Variants in GLIS3 observed in about 807,000 individuals in gnomAD.
The protein encoded by GLIS3 is GLIS family zinc finger 3.
Under a neutral mutation model 78.6 loss-of-function variants are expected in GLIS3, and 53 were observed. The observed-to-expected ratio is 0.67, with a 90% CI of 0.54 to 0.85. The LOEUF (loss-of-function observed/expected upper bound fraction) is 0.85, where lower values mean the gene tolerates loss of function less well. Ranked by LOEUF, GLIS3 falls within the 40% of genes least tolerant of loss-of-function variation. GLIS3 has a pLI of 0.00. For missense variants in GLIS3, 1,703 were observed against 1,231.1 expected (o/e 1.38, Z -5.74); for synonymous variants, 684 against 509.9 (o/e 1.34, Z -4.60).
At chr9:4,405,731 T>C in the GLIS3 span, among the ~76,000 whole-genome samples, 1 of 151,984 alleles carries the variant, frequency 6.6e-6, no homozygotes, top group African/African-American at 2.4e-5. Context: ...AAAGCCAGTA[T>C]TACCCTGATA....
intron 2 of GLIS3, among the ~76,000 whole-genome samples, chr9:4,206,485 C>T (rs1022582772): frequency 1.3e-5 from 2 of 152,266 alleles, no homozygotes; most frequent in Non-Finnish European, 2.9e-5. Flanking sequence ...AAAATAGAGG[C>T]GTAGCTTTAT....
chr9:4,028,124 C>T (rs73390414), intron 4 of GLIS3, among the ~76,000 whole-genome samples: 9,740 of 152,194 alleles, frequency 0.064, 564 homozygotes, highest in African/African-American at 0.15. Flanking sequence ...AAAGACACCA[C>T]GTGCCATAGA....
chr9:4,192,174 A>T (rs1818389439), intron 2 of GLIS3, among the ~76,000 whole-genome samples: 1 of 152,196 alleles, frequency 6.6e-6, no homozygotes, highest in Admixed American at 6.5e-5. Context: ...AAATTTTCAC[A>T]ATCTCTTTAT....
At chr9:3,853,202 CTCTAA>C (rs1391782455) in intron 9 of GLIS3, among the ~76,000 whole-genome samples, 1 of 152,094 alleles carries the variant, frequency 6.6e-6, no homozygotes, top group African/African-American at 2.4e-5. Flanking sequence ...AAGACCCTGT[CTCTAA>C]AAAGTAAATT....
At position 3,856,116 on chromosome 9, in the gene GLIS3, A is replaced by G. The variant is rs1256342926; in HGVS notation, c.2366T>C (p.Leu789Pro). ...GGTATAGGGAGGCTGTGTTCTTTGCAGTATTGAAGAAGGAGCTGGAACTCT... is the reference window on the plus strand; with the variant it reads ...GGTATAGGGAGGCTGTGTTCTTTGCGGTATTGAAGAAGGAGCTGGAACTCT... ...PRRVPAPSSI[L>P]QRTQPPYTQQ... Residue 789 changes from leucine (L) to proline (P), a missense_variant, in exon 9 of 11, where the codon CTG (leucine) becomes CCG (proline). By Grantham distance (98) the Leu-to-Pro change is moderately conservative. Coordinates refer to ENST00000381971, the MANE Select transcript of GLIS3 (RefSeq NM_001042413.2). 1.2e-6 allele frequency: 2 copies of G among 1,614,178 alleles called. No individual in the cohort carries two copies. Among genetic ancestry groups the G allele is most frequent in the Non-Finnish European group, 1.7e-6 (2 of 1,180,012 alleles).
At chr9:4,432,322 T>C in the GLIS3 span, among the ~76,000 whole-genome samples, 95 of 152,314 alleles carry the variant, frequency 6.2e-4, no homozygotes, top group African/African-American at 2.1e-3. Context: ...AAGGCCATAG[T>C]TGATTCTTAA....
At chr9:4,192,896 C>T (rs556721838) in intron 2 of GLIS3, among the ~76,000 whole-genome samples, 52 of 151,768 alleles carry the variant, frequency 3.4e-4, no homozygotes, top group Non-Finnish European at 7.1e-4. Context: ...GAAGGGAGGT[C>T]AAGGCCTCAA....
the GLIS3 span, among the ~76,000 whole-genome samples, chr9:4,385,710 G>A: frequency 1.1e-5 from 1 of 93,256 alleles, no homozygotes; most frequent in African/African-American, 4.2e-5. Context: ...AACAAAGAAA[G>A]GAGAGAGAGA....
the GLIS3 span, among the ~76,000 whole-genome samples, chr9:4,361,734 G>T: frequency 6.6e-6 from 1 of 152,216 alleles, no homozygotes; most frequent in Admixed American, 6.5e-5. Context: ...TTAAAAGTCA[G>T]TGAAGGCTCC....
In GLIS3 at chr9:4,032,310, A is replaced by G. The variant is rs572099730; in HGVS notation, c.1710+85458T>C. On this transcript the variant is annotated intron_variant, in intron 4 of 10. Coordinates refer to ENST00000381971, the MANE Select transcript of GLIS3 (RefSeq NM_001042413.2). ...TCCCAAGTTTCTTAGAATTGGCTCT[A>G]AAATCTGCATTCCAGCTAGGAACTT... 1.5e-4 allele frequency among the ~76,000 whole-genome samples: 23 copies of G among 152,264 alleles called. 1 individual carries two copies. The highest frequency in any genetic ancestry group is 1.5e-3 in the Admixed American group (23 of 15,302).
chr9:4,383,408 AT>A, the GLIS3 span, among the ~76,000 whole-genome samples: 1 of 152,196 alleles, frequency 6.6e-6, no homozygotes, highest in Non-Finnish European at 1.5e-5. Context: ...TTCTTGATTC[AT>A]GGATAAGCAA....
intron 4 of GLIS3, among the ~76,000 whole-genome samples, chr9:3,993,528 G>C (rs1338456393): frequency 6.6e-6 from 1 of 152,056 alleles, no homozygotes; most frequent in Non-Finnish European, 1.5e-5. Flanking sequence ...TCCACAATAA[G>C]TCCACTATCT....
chr9:3,941,127 G>A (rs939407594), intron 4 of GLIS3, among the ~76,000 whole-genome samples: 4 of 152,168 alleles, frequency 2.6e-5, no homozygotes, highest in Non-Finnish European at 4.4e-5. Flanking sequence ...AGGTGAGTTA[G>A]GGAATGCCAT....
rs189361947 is a variant in GLIS3 at position 4,111,016 on chromosome 9, T to A, written c.1710+6752A>T. 1.6e-3 allele frequency among the ~76,000 whole-genome samples: 251 copies of A among 152,296 alleles called. 2 individuals are homozygous for A. Among genetic ancestry groups the A allele is most frequent in the African/African-American group, 5.3e-3 (222 of 41,568 alleles). ...GAAATATTCCAAAGGTCACAAAGGG[T>A]GTTTCTAATATATTGCCAAACAAAT... On this transcript the variant is annotated intron_variant, in intron 4 of 10. Transcript: ENST00000381971.
At position 3,829,376 on chromosome 9, in the gene GLIS3, T is replaced by A. The variant is rs765152570; in HGVS notation, c.2590A>T (p.Thr864Ser). The change falls in exon 10 of 11, where the codon ACA (threonine) becomes TCA (serine). Residue 864 changes from threonine (T) to serine (S), a missense_variant. Transcript: ENST00000381971. ...TCAAAACTGGCCTGGCCCATGGATG[T>A]AGGGACTAGGCAGTCCTCAAACGAA... ...VPSFEDCLVP[T>S]SMGQASFDVF... 1.2e-6 allele frequency: 2 copies of A among 1,613,974 alleles called. No homozygotes were observed. The highest frequency in any genetic ancestry group is 2.2e-5 in the South Asian group (2 of 91,066).
chr9:4,014,787 G>T (rs1822304927), intron 4 of GLIS3, among the ~76,000 whole-genome samples: 1 of 152,318 alleles, frequency 6.6e-6, no homozygotes, highest in South Asian at 2.1e-4. Flanking sequence ...TCAAAGTGCA[G>T]ATGTACACAC....
At chr9:4,101,560 G>A (rs1291407413) in intron 4 of GLIS3, among the ~76,000 whole-genome samples, 1 of 152,110 alleles carries the variant, frequency 6.6e-6, no homozygotes, top group South Asian at 2.1e-4. Context: ...GAACACGTTA[G>A]CTAAACAATC....
rs145126845 is a variant in GLIS3 at position 4,182,128 on chromosome 9, A to G, written c.389-56187T>C. On this transcript the variant is annotated intron_variant, in intron 2 of 10. Transcript: ENST00000381971. ...ACAAGCAAAGAATAAAATGGTTCCT[A>G]TAAGGACCGTTTTTTCCTTTGGGGT... Among the ~76,000 whole-genome samples, 60 of 152,328 alleles carry G rather than the reference A, an allele frequency of 3.9e-4. 1 individual carries two copies. The East Asian group carries it at 9.5e-3, about 24-fold the overall frequency.
chr9:4,171,143 C>T (rs1417810152), intron 2 of GLIS3, among the ~76,000 whole-genome samples: 1 of 152,138 alleles, frequency 6.6e-6, no homozygotes, highest in African/African-American at 2.4e-5. Flanking sequence ...GAAATATTAT[C>T]AGTTTCCATC....
Sources: allele counts gnomAD v4.1 joint callset (sites outside exome capture counted in the v4.1 genomes callset), GRCh38; gene constraint gnomAD v4.1.1; transcripts MANE v1.5; gene names NCBI Gene and HGNC (gene_info 2026-07-23, HGNC 2026-07-21).